The following PAMR1 variants were observed in gnomAD, a reference collection of about 807,000 sequenced individuals.
PAMR1 encodes inactive serine protease PAMR1.
Under a neutral mutation model 81.8 loss-of-function variants are expected in PAMR1, and 88 were observed. The ratio of observed to expected loss-of-function variants is 1.08; its 90% CI spans 0.91 to 1.28. PAMR1 has a LOEUF of 1.28. Ranked by LOEUF, PAMR1 falls within the 50% of genes most tolerant of loss-of-function variation. The pLI is 0.00. For synonymous variants in PAMR1, 336 were observed against 345.3 expected (o/e 0.97, Z 0.30); for missense variants, 935 against 919.7 (o/e 1.02, Z -0.21).
rs1221155876 is a variant in PAMR1 at position 35,432,774 on chromosome 11, G to A, written c.1745C>T (p.Ala582Val). 6.2e-7 allele frequency: 1 copy of A among 1,613,002 alleles called. No homozygotes were observed. Among genetic ancestry groups the A allele is most frequent in the Admixed American group, 1.7e-5 (1 of 60,034 alleles). ...ISTRVQPICL[A>V]ASRDLSTSFQ... ...GGAAGTGCTGAGATCCCGACTGGCAGCGAGGCAGATGGGCTGGACTCGGGT... is the reference window on the plus strand; with the variant it reads ...GGAAGTGCTGAGATCCCGACTGGCAACGAGGCAGATGGGCTGGACTCGGGT... Residue 582 changes from alanine to valine, a missense_variant, in exon 11 of 11, where the codon GCT (alanine) becomes GTT (valine). By Grantham distance (64) the Ala-to-Val change is moderately conservative (BLOSUM62 0). Coordinates refer to ENST00000619888, the MANE Select transcript of PAMR1 (RefSeq NM_001001991.3).
intron 6 of PAMR1, among the ~76,000 whole-genome samples, chr11:35,443,379 G>A (rs898813177): frequency 6.6e-6 from 1 of 151,892 alleles, no homozygotes; most frequent in Non-Finnish European, 1.5e-5. Context: ...CCCCTGATAG[G>A]CCCCAGTGTG....
At chr11:35,499,409 T>G (rs1292306779) in intron 1 of PAMR1, among the ~76,000 whole-genome samples, 1 of 152,152 alleles carries the variant, frequency 6.6e-6, no homozygotes, top group Non-Finnish European at 1.5e-5. Context: ...TACATCCTTC[T>G]AGGTTTTCTA....
chr11:35,432,868 T>C lies in PAMR1; in HGVS notation c.1651A>G (p.Asn551Asp). The C allele has an allele frequency of 6.3e-7, 1 of 1,587,710 alleles. No individual in the cohort carries two copies. Among genetic ancestry groups the C allele is most frequent in the Non-Finnish European group, 8.5e-7 (1 of 1,172,106 alleles). ...GCATCAAGCAGGATGGGGTCATAGT[T>C]GGGATGCAGAATGATAGCAGAAATC... ...LQISAIILHP[N>D]YDPILLDADI... The change falls in exon 11 of 11, where the codon AAC (asparagine) becomes GAC (aspartate). Residue 551 changes from asparagine (N) to aspartate (D), a missense_variant. Coordinates refer to ENST00000619888, the MANE Select transcript of PAMR1 (RefSeq NM_001001991.3).
In PAMR1 at chr11:35,451,824, C is replaced by A. The variant is rs1856424098; in HGVS notation, c.821-10131G>T. On this transcript the variant is annotated intron_variant, in intron 6 of 10. Coordinates refer to ENST00000619888, the MANE Select transcript of PAMR1 (RefSeq NM_001001991.3). ...TTTGTAAAAAAGAACCCAGAGAGCT[C>A]TCCCACCCTCCTTCTGCCACATGAG... is the stretch of plus-strand genomic sequence containing the variant. The A allele has an allele frequency of 2.9e-5, 19 of 650,654 alleles. No individual in the cohort carries two copies. In the South Asian group the frequency reaches 3.0e-4, roughly 10 times the overall value. The allele number at this position is 650,654 out of a possible 1,614,324, so 40.3% of individuals were successfully genotyped here. A position where few individuals can be genotyped will look rare whatever the true frequency, so the allele number is the denominator to read the frequency against.
At chr11:35,504,750 A>T (rs1380924864) in intron 1 of PAMR1, among the ~76,000 whole-genome samples, 1 of 141,552 alleles carries the variant, frequency 7.1e-6, no homozygotes, top group Non-Finnish European at 1.5e-5. Context: ...ATTTTATTTA[A>T]TTGGGATTCC....
chr11:35,439,658 T>C lies in PAMR1; in HGVS notation c.1069A>G (p.Arg357Gly). ...REPKISDLVR[R>G]RVLPMQVQSR... ...TGAACCTGCATCGGAAGAACTCTCC[T>C]TCTCACCAGGTCTGAAATCTTTGGT... Residue 357 changes from arginine (R) to glycine (G), a missense_variant, in exon 8 of 11, where the codon AGG becomes GGG. Arg to Gly is a moderately radical substitution (Grantham distance 125). Transcript: ENST00000619888. The C allele has an allele frequency of 6.2e-7, 1 of 1,613,986 alleles. No individual in the cohort carries two copies. The highest frequency in any genetic ancestry group is 8.5e-7 in the Non-Finnish European group (1 of 1,179,914).
In PAMR1 at chr11:35,434,581, G is replaced by GT; in HGVS notation, c.1556dup (p.Asp519GlufsTer13). 6.2e-7 allele frequency: 1 copy of GT among 1,613,974 alleles called. No homozygotes were observed. The highest frequency in any genetic ancestry group is 8.5e-7 in the Non-Finnish European group (1 of 1,180,006). ...AGAATTTCCCCAAAACAACTTTCAG[G>GT]TCTGCTGTCTTGATCATGGTGACCT... On this transcript the variant is annotated frameshift_variant, in exon 10 of 11. Coordinates refer to ENST00000619888, the MANE Select transcript of PAMR1 (RefSeq NM_001001991.3). LOFTEE classifies it high-confidence loss of function.
intron 1 of PAMR1, among the ~76,000 whole-genome samples, chr11:35,523,157 A>G (rs1851314179): frequency 6.6e-6 from 1 of 152,168 alleles, no homozygotes; most frequent in African/African-American, 2.4e-5. Flanking sequence ...GAATTTGCCA[A>G]CATATCCCAG....
chr11:35,502,230 TG>T (rs1336552433), intron 1 of PAMR1, among the ~76,000 whole-genome samples: 1 of 152,146 alleles, frequency 6.6e-6, no homozygotes, highest in Non-Finnish European at 1.5e-5. Context: ...TCAGATCTTT[TG>T]CCCATTTTTA....
intron 1 of PAMR1, among the ~76,000 whole-genome samples, chr11:35,512,486 G>C (rs1851091198): frequency 6.6e-6 from 1 of 152,194 alleles, no homozygotes; most frequent in African/African-American, 2.4e-5. Context: ...TGGTTCCTGA[G>C]AGTTCATGCC....
At chr11:35,439,240 T>G (rs1337430130) in intron 8 of PAMR1, among the ~76,000 whole-genome samples, 2 of 152,218 alleles carry the variant, frequency 1.3e-5, no homozygotes, top group African/African-American at 2.4e-5. Flanking sequence ...TCCAAGCATA[T>G]CTTCCTAAAT....
upstream of PAMR1, among the ~76,000 whole-genome samples, chr11:35,527,881 G>A (rs1340029843): frequency 6.6e-6 from 1 of 151,944 alleles, no homozygotes; most frequent in African/African-American, 2.4e-5. Context: ...AACCACCAGG[G>A]CCCACCAACA....
chr11:35,484,472 C>T (rs891918841), intron 3 of PAMR1, among the ~76,000 whole-genome samples: 6 of 152,206 alleles, frequency 3.9e-5, no homozygotes, highest in African/African-American at 1.4e-4. Context: ...AGGGCAGCCC[C>T]GAAAGTCAGT....
rs1243738501 is a variant in PAMR1, at chr11:35,493,426, T to C, written c.250+670A>G. Among the ~76,000 whole-genome samples the C allele has an allele frequency of 2.6e-5, 4 of 152,066 alleles. No individual in the cohort carries two copies. In the East Asian group the frequency reaches 5.8e-4, roughly 22 times the overall value. Reference sequence around the variant, plus strand: ...CTCATTCATTAATTCCCTCTCACTCTCCCTCTCCTTCTCCCTCCCTCTCTC... The same window carrying C: ...CTCATTCATTAATTCCCTCTCACTCCCCCTCTCCTTCTCCCTCCCTCTCTC... On this transcript the variant is annotated intron_variant, in intron 2 of 10. Coordinates refer to ENST00000619888, the MANE Select transcript of PAMR1 (RefSeq NM_001001991.3).
intron 1 of PAMR1, among the ~76,000 whole-genome samples, chr11:35,518,234 G>A (rs575148398): frequency 6.6e-6 from 1 of 151,900 alleles, no homozygotes; most frequent in African/African-American, 2.4e-5. Flanking sequence ...ACTTCTGCTT[G>A]TATCCAAGTA....
At chr11:35,451,887 C>A (rs1430232635) in intron 6 of PAMR1, 3 of 706,096 alleles carry the variant, frequency 4.2e-6, no homozygotes, top group Middle Eastern at 2.3e-4. Context: ...CAAGCCCTCA[C>A]CAGACAATGA....
At chr11:35,473,085 G>A (rs1850218083) in intron 4 of PAMR1, among the ~76,000 whole-genome samples, 2 of 152,168 alleles carry the variant, frequency 1.3e-5, no homozygotes, top group Admixed American at 6.5e-5. Flanking sequence ...GTGACAGAGA[G>A]CTGTGGATGG....
intron 6 of PAMR1, chr11:35,453,495 A>G (rs1856464465): frequency 6.7e-6 from 1 of 149,588 alleles, no homozygotes; most frequent in South Asian, 2.1e-4. Context: ...CCTCTCATTT[A>G]TTTTCTGTAC....
At chr11:35,499,465 T>C (rs1418391028) in intron 1 of PAMR1, among the ~76,000 whole-genome samples, 4 of 152,192 alleles carry the variant, frequency 2.6e-5, no homozygotes, top group Non-Finnish European at 5.9e-5. Flanking sequence ...ACCAACAGGA[T>C]AAATAATTTG....
Sources: allele counts gnomAD v4.1 joint callset (sites outside exome capture counted in the v4.1 genomes callset), GRCh38; gene constraint gnomAD v4.1.1; transcripts MANE v1.5; gene names NCBI Gene and HGNC (gene_info 2026-07-23, HGNC 2026-07-21).